The following CEACAM21 variants were observed in gnomAD, a reference collection of about 807,000 sequenced individuals.
CEACAM21 encodes CEA cell adhesion molecule 21.
A neutral mutation model predicts 33.2 loss-of-function variants in CEACAM21; 38 were observed. That is an observed-to-expected ratio of 1.14 (90% CI 0.88 to 1.50). The LOEUF is 1.50. Ranked by LOEUF, CEACAM21 falls within the 40% of genes most tolerant of loss-of-function variation. The pLI, the probability that CEACAM21 is intolerant of heterozygous loss-of-function variation, is 0.00. For missense variants in CEACAM21, 385 were observed against 364.6 expected, an observed-to-expected ratio of 1.06 and a Z score of -0.46; for synonymous variants, 156 against 143.0, an observed-to-expected ratio of 1.09 and a Z score of -0.65.
chr19:41,561,362 C>T (rs1444357965), intron 1 of CEACAM21, among the ~76,000 whole-genome samples: 2 of 148,240 alleles, frequency 1.3e-5, no homozygotes, highest in African/African-American at 5.0e-5. Context: ...CATGCAAGGC[C>T]TCTATGTAGA....
At chr19:41,565,806 C>T (rs1359779775) in intron 2 of CEACAM21, among the ~76,000 whole-genome samples, 1 of 151,850 alleles carries the variant, frequency 6.6e-6, no homozygotes, top group African/African-American at 2.4e-5. Flanking sequence ...GGAAAATGGG[C>T]CAATGAAGAA....
At chr19:41,560,732 G>T (rs2041831746) in intron 1 of CEACAM21, among the ~76,000 whole-genome samples, 1 of 152,160 alleles carries the variant, frequency 6.6e-6, no homozygotes, top group African/African-American at 2.4e-5. Flanking sequence ...TAAATCATAT[G>T]AATTTTTCAA....
chr19:41,563,902 T>TG (rs2042067789), intron 1 of CEACAM21, among the ~76,000 whole-genome samples: 1 of 152,208 alleles, frequency 6.6e-6, no homozygotes, highest in South Asian at 2.1e-4. Context: ...AGGCTCAGCC[T>TG]GGGCGGATTC....
intron 1 of CEACAM21, chr19:41,555,476 A>T (rs2041477183): frequency 1.3e-5 from 2 of 151,800 alleles, no homozygotes; most frequent in East Asian, 3.9e-4. Context: ...TTCTAACTGG[A>T]CCTCTGATCT....
chr19:41,560,186 G>A (rs4803481), intron 1 of CEACAM21, among the ~76,000 whole-genome samples: 63,410 of 152,032 alleles, frequency 0.42, 17,030 homozygotes, highest in African/African-American at 0.77. Context: ...AAAAAAGGAA[G>A]CAGATGCTTA....
chr19:41,562,419 G>A (rs1236661821), intron 1 of CEACAM21, among the ~76,000 whole-genome samples: 2 of 151,876 alleles, frequency 1.3e-5, no homozygotes. Context: ...CGAAGGAAAA[G>A]ACACACGACA....
At chr19:41,582,493 A>G (rs1182043979) in intron 3 of CEACAM21, among the ~76,000 whole-genome samples, 1 of 152,214 alleles carries the variant, frequency 6.6e-6, no homozygotes, top group African/African-American at 2.4e-5. Context: ...TCCCTAGCAG[A>G]GGTTCTCCAT....
At chr19:41,585,636 C>G in intron 5 of CEACAM21, 141 bp downstream of exon 5, 1 of 1,096,880 alleles carries the variant, frequency 9.1e-7, no homozygotes, top group Non-Finnish European at 1.3e-6. Context: ...ACACAGGAAA[C>G]CCCAACTGGC....
Position 41,577,468 on chromosome 19 carries a change from C to A in CEACAM21, c.333C>A (p.Asn111Lys). 6.2e-7 allele frequency: 1 copy of A among 1,613,730 alleles called. No individual in the cohort carries two copies. Among genetic ancestry groups the A allele is most frequent in the South Asian group, 1.1e-5 (1 of 91,060 alleles). Residue 111 changes from asparagine (N) to lysine (K), a missense_variant, in exon 2 of 7, where the codon AAC (asparagine) becomes AAA (lysine). Physicochemically the swap from Asn to Lys is moderately conservative, Grantham distance 94. Transcript: ENST00000401445. ...CCAGTGGAGATCTGCATTTCCAGAACGTCACCCTAGAGGACACGGGATACT... is the reference window on the plus strand; with the variant it reads ...CCAGTGGAGATCTGCATTTCCAGAAAGTCACCCTAGAGGACACGGGATACT... ...ISPSGDLHFQNVTLEDTGYYN... is the reference protein window; with the variant it reads ...ISPSGDLHFQKVTLEDTGYYN...
intron 1 of CEACAM21, chr19:41,551,049 C>T (rs186335372): frequency 1.3e-5 from 2 of 152,068 alleles, no homozygotes; most frequent in African/African-American, 4.8e-5. Flanking sequence ...TACATCGGGA[C>T]TCGTTTCATC....
At chr19:41,550,835 T>C (rs1449108631) in intron 1 of CEACAM21, 1 of 152,196 alleles carries the variant, frequency 6.6e-6, no homozygotes, top group African/African-American at 2.4e-5. Flanking sequence ...GGTAAAAATC[T>C]TCATGAGAAC....
In CEACAM21 at chr19:41,578,303, C is replaced by CTT. The variant is rs34093847; in HGVS notation, c.424+758_424+759dup. Among the ~76,000 whole-genome samples the CTT allele has an allele frequency of 9.4e-3, 1,334 of 142,586 alleles. 11 individuals are homozygous for CTT. The highest frequency in any genetic ancestry group is 0.028 in the African/African-American group (1,113 of 39,166). 93.5% of individuals were successfully genotyped at this position (142,586 alleles called of 152,430 possible). A position where few individuals can be genotyped will look rare whatever the true frequency, so the allele number is the denominator to read the frequency against. ...CACCAGGAATCAGGCCCAGAGAACT[C>CTT]TTTTTTTTTTTTTTTGGAGTAAAAT... is the stretch of plus-strand genomic sequence containing the variant. On this transcript the variant is annotated intron_variant, in intron 2 of 6. Coordinates refer to ENST00000401445, the MANE Select transcript of CEACAM21 (RefSeq NM_001098506.4).
rs782632753 is a variant in CEACAM21 at position 41,576,297 on chromosome 19, C to T, written c.23C>T (p.Pro8Leu). The T allele has an allele frequency of 3.1e-6, 5 of 1,613,308 alleles. No homozygotes were observed. The highest frequency in any genetic ancestry group is 4.2e-6 in the Non-Finnish European group (5 of 1,179,552). The stretch of plus-strand genomic sequence containing the variant: ...ACCATGGGGCCCCCCTCAGCTTGTC[C>T]CCACAGAGAATGCATCCCCTGGCAG... MGPPSAC[P>L]HRECIPWQGL... Residue 8 changes from proline (P) to leucine (L), a missense_variant, in exon 1 of 7, where the codon CCC becomes CTC. Coordinates refer to ENST00000401445, the MANE Select transcript of CEACAM21 (RefSeq NM_001098506.4).
intron 1 of CEACAM21, among the ~76,000 whole-genome samples, chr19:41,554,242 T>C (rs117777658): frequency 6.6e-6 from 1 of 152,034 alleles, no homozygotes. Context: ...TCCAAAGTTA[T>C]CAAAATTTGC....
intron 4 of CEACAM21, among the ~76,000 whole-genome samples, chr19:41,584,785 G>A (rs1333486217): frequency 1.3e-5 from 2 of 152,180 alleles, no homozygotes; most frequent in East Asian, 3.9e-4. Context: ...CAGTGAGAGG[G>A]CATCTGAGGG....
upstream of CEACAM21, among the ~76,000 whole-genome samples, chr19:41,571,612 T>C (rs2042618162): frequency 6.6e-6 from 1 of 152,268 alleles, no homozygotes; most frequent in Non-Finnish European, 1.5e-5. Context: ...GGGAAAATTG[T>C]AGCAAAGGAA....
upstream of CEACAM21, among the ~76,000 whole-genome samples, chr19:41,571,196 C>T (rs1477501123): frequency 6.6e-6 from 1 of 152,140 alleles, no homozygotes; most frequent in East Asian, 1.9e-4. Context: ...CTGATCCACA[C>T]TAATCTCTAA....
At position 41,579,197 on chromosome 19, in the gene CEACAM21, A is replaced by C. The variant is rs2043178015; in HGVS notation, c.425-156A>C. 9.0e-6 allele frequency: 11 copies of C among 1,218,376 alleles called. No individual in the cohort carries two copies. In the East Asian group the frequency reaches 2.5e-4, roughly 28 times the overall value. The allele number at this position is 1,218,376 out of a possible 1,614,324, so 75.5% of individuals were successfully genotyped here. On this transcript the variant is annotated intron_variant, in intron 2 of 6. Coordinates refer to ENST00000401445, the MANE Select transcript of CEACAM21 (RefSeq NM_001098506.4). Reference sequence around the variant, plus strand: ...GGTCTCTGAGGTCACTGTAGTCCCTACTGCTCGCTGCTATGGGTGTCTCTG... The same window carrying C: ...GGTCTCTGAGGTCACTGTAGTCCCTCCTGCTCGCTGCTATGGGTGTCTCTG...
At chr19:41,566,986 T>C (rs1325010759) in intron 2 of CEACAM21, among the ~76,000 whole-genome samples, 1 of 152,226 alleles carries the variant, frequency 6.6e-6, no homozygotes, top group Non-Finnish European at 1.5e-5. Context: ...CTCTCTTGTG[T>C]CTTCCTGATT....
Sources: allele counts gnomAD v4.1 joint callset (sites outside exome capture counted in the v4.1 genomes callset), GRCh38; gene constraint gnomAD v4.1.1; transcripts MANE v1.5; gene names NCBI Gene and HGNC (gene_info 2026-07-23, HGNC 2026-07-21).